The following EPHX1 variants were observed in gnomAD, a reference collection of about 807,000 sequenced individuals.
EPHX1 encodes the protein epoxide hydratase.
Under a neutral mutation model 43.2 loss-of-function variants are expected in EPHX1, and 40 were observed. That is an observed-to-expected ratio of 0.93 (90% CI 0.72 to 1.21). EPHX1 has a LOEUF of 1.21. EPHX1 is among the 50% of genes most tolerant of loss of function. EPHX1 has a pLI of 0.00. For synonymous variants in EPHX1, 221 were observed against 226.7 expected, an observed-to-expected ratio of 0.98 and a Z score of 0.22; for missense variants, 550 against 570.4, an observed-to-expected ratio of 0.96 and a Z score of 0.36.
intron 1 of EPHX1, among the ~76,000 whole-genome samples, chr1:225,810,945 G>T (rs576759814): frequency 1.3e-5 from 2 of 152,286 alleles, no homozygotes; most frequent in South Asian, 4.2e-4. Context: ...GGCCACAGGG[G>T]ATATGATGGC....
intron 2 of EPHX1, among the ~76,000 whole-genome samples, chr1:225,831,403 G>A (rs1391025150): frequency 6.6e-6 from 1 of 152,094 alleles, no homozygotes; most frequent in Non-Finnish European, 1.5e-5. Flanking sequence ...GCAAAAATTA[G>A]CCGGACATGG....
rs60259241 is a variant in EPHX1 at position 225,816,891 on chromosome 1, A to G, written c.-6+6722A>G. Among the ~76,000 whole-genome samples, 619 of 152,264 alleles carry G rather than the reference A, an allele frequency of 4.1e-3. 15 individuals carry two copies. The East Asian group carries it at 0.046, about 11-fold the overall frequency. On this transcript the variant is annotated intron_variant, in intron 1 of 8. Coordinates refer to ENST00000272167, the MANE Select transcript of EPHX1 (RefSeq NM_001136018.4). ...CAAATTGTTTTCTTTCTATCTCTCC[A>G]GACATGTAGATAGCATGGAGGTGGA...
chr1:225,840,565 T>C (rs1320611481), intron 6 of EPHX1, among the ~76,000 whole-genome samples: 1 of 152,220 alleles, frequency 6.6e-6, no homozygotes, highest in Non-Finnish European at 1.5e-5. Flanking sequence ...ATAAGAACAC[T>C]GAAATTAATT....
chr1:225,821,187 T>G (rs1360078200), intron 1 of EPHX1, among the ~76,000 whole-genome samples: 1 of 152,162 alleles, frequency 6.6e-6, no homozygotes, highest in African/African-American at 2.4e-5. Context: ...AAAAGCAAAC[T>G]TTTATTTTTA....
intron 1 of EPHX1, among the ~76,000 whole-genome samples, chr1:225,826,597 C>T (rs564842549): frequency 1.3e-5 from 2 of 152,198 alleles, no homozygotes; most frequent in African/African-American, 2.4e-5. Flanking sequence ...ATCAGTGAGA[C>T]CTTGAGGCAC....
At chr1:225,828,127 C>T (rs12747413) in intron 1 of EPHX1, among the ~76,000 whole-genome samples, 8,006 of 152,148 alleles carry the variant, frequency 0.053, 289 homozygotes, top group Non-Finnish European at 0.083. Context: ...GGGCGGATCA[C>T]GAGGTCAAGA....
chr1:225,823,745 C>T (rs980280474), intron 1 of EPHX1, among the ~76,000 whole-genome samples: 2 of 152,174 alleles, frequency 1.3e-5, no homozygotes, highest in Non-Finnish European at 2.9e-5. Context: ...GGTCCTCTGC[C>T]GCCTTGGGTT....
intron 5 of EPHX1, 25 bp from the exon 6 acceptor site, chr1:225,839,803 AC>A (rs1668243641): frequency 6.2e-7 from 1 of 1,611,216 alleles, no homozygotes; most frequent in South Asian, 1.1e-5. Flanking sequence ...GCCCAGCCTC[AC>A]CCCGGCCCCT....
At chr1:225,826,007 T>G (rs1247361113) in intron 1 of EPHX1, among the ~76,000 whole-genome samples, 1 of 152,266 alleles carries the variant, frequency 6.6e-6, no homozygotes, top group Non-Finnish European at 1.5e-5. Context: ...TGAAAGAAGC[T>G]GATGCATGTT....
rs1474081256 is a variant in EPHX1 at position 225,838,671 on chromosome 1, A to T, written c.382A>T (p.Ile128Phe). ...CCCCCCAGGGCTGGACATCCACTTC[A>T]TCCACGTGAAGCCCCCCCAGCTGCC... ...TKIEGLDIHF[I>F]HVKPPQLPAG... The change falls in exon 4 of 9, where the codon ATC becomes TTC. Residue 128 changes from isoleucine to phenylalanine, a missense_variant. Ile to Phe is a conservative substitution (Grantham distance 21, BLOSUM62 0). Coordinates refer to ENST00000272167, the MANE Select transcript of EPHX1 (RefSeq NM_001136018.4). 6.2e-7 allele frequency: 1 copy of T among 1,613,818 alleles called. No homozygotes were observed. Among genetic ancestry groups the T allele is most frequent in the African/African-American group, 1.3e-5 (1 of 74,944 alleles).
chr1:225,842,972 T>C (rs1459355819), intron 7 of EPHX1, among the ~76,000 whole-genome samples: 1 of 152,174 alleles, frequency 6.6e-6, no homozygotes, highest in East Asian at 1.9e-4. Context: ...CAAGGTCAGC[T>C]CTGACCCACC....
At chr1:225,832,194 G>A in intron 3 of EPHX1, 4 of 531,612 alleles carry the variant, frequency 7.5e-6, no homozygotes, top group South Asian at 5.9e-5. Context: ...CCAAAGAAAT[G>A]CACCATCCAG....
At chr1:225,826,266 C>A (rs1214375918) in intron 1 of EPHX1, among the ~76,000 whole-genome samples, 1 of 151,928 alleles carries the variant, frequency 6.6e-6, no homozygotes, top group African/African-American at 2.4e-5. Context: ...GAGTTTGAGA[C>A]CAGCCTGGCC....
intron 3 of EPHX1, among the ~76,000 whole-genome samples, chr1:225,833,402 G>A (rs2740169): frequency 0.44 from 66,354 of 151,748 alleles, 15,033 homozygotes; most frequent in African/African-American, 0.55. Context: ...TACTCAGGAG[G>A]CTGAGGCAGG....
intron 2 of EPHX1, among the ~76,000 whole-genome samples, chr1:225,829,457 C>T (rs1409754634): frequency 2.0e-5 from 3 of 152,206 alleles, no homozygotes. Flanking sequence ...GCCTAGCTAA[C>T]ATGCGGAAGG....
Position 225,839,328 on chromosome 1 carries a change from T to C in EPHX1, c.704T>C (p.Met235Thr), listed in dbSNP as rs148810909. The part of the protein sequence containing the change: ...GDWGSLICTN[M>T]AQLVPSHVKG... Reference sequence around the variant, plus strand: ...TGGGGGTCCCTGATCTGCACTAATATGGCCCAGCTGGTGCCCAGGTGAGGT... The same window carrying C: ...TGGGGGTCCCTGATCTGCACTAATACGGCCCAGCTGGTGCCCAGGTGAGGT... The change falls in exon 5 of 9, where the codon ATG (methionine) becomes ACG (threonine). Residue 235 changes from methionine to threonine, a missense_variant. By Grantham distance (81) the Met-to-Thr change is moderately conservative. Transcript: ENST00000272167. 2.4e-4 allele frequency: 394 copies of C among 1,613,678 alleles called. 1 individual carries two copies. The highest frequency in any genetic ancestry group is 3.2e-4 in the Non-Finnish European group (377 of 1,179,976).
At position 225,838,895 on chromosome 1, in the gene EPHX1, A is replaced by G; in HGVS notation, c.592+14A>G. 1 of 1,612,694 alleles carries G rather than the reference A, an allele frequency of 6.2e-7. No homozygotes were observed. Among genetic ancestry groups the G allele is most frequent in the Non-Finnish European group, 8.5e-7 (1 of 1,178,750 alleles). ...CCTCCAAGAAGGGTACGGGGCTGCT[A>G]GAGGTTCCATAACTGCCCCGTCCTC... On this transcript the variant is annotated intron_variant, in intron 4 of 8. Transcript: ENST00000272167.
chr1:225,832,275 C>T (rs1667651990), intron 3 of EPHX1: 4 of 379,076 alleles, frequency 1.1e-5, no homozygotes, highest in Non-Finnish European at 2.0e-5. Flanking sequence ...TGGGGTGGCT[C>T]AGAACTGTAA....
chr1:225,837,861 G>GA (rs1413579557), intron 3 of EPHX1, among the ~76,000 whole-genome samples: 1 of 152,104 alleles, frequency 6.6e-6, no homozygotes, highest in African/African-American at 2.4e-5. Context: ...TTGGTAATCA[G>GA]AAAAAGGTGA....
Sources: gnomAD v4.1 joint callset for allele counts (sites outside exome capture counted in the v4.1 genomes callset) on GRCh38, gnomAD v4.1.1 for gene constraint, MANE v1.5 for transcripts, NCBI Gene and HGNC (gene_info 2026-07-23, HGNC 2026-07-21) for gene names.